Variants in KIAA1549 observed in about 807,000 individuals in gnomAD.
KIAA1549 encodes the protein KIAA1549, also known as UPF0606 protein KIAA1549.
KIAA1549 carries 70 observed loss-of-function variants against 156.4 expected under a neutral mutation model. That is an observed-to-expected ratio of 0.45 (90% CI 0.37 to 0.55). The LOEUF (loss-of-function observed/expected upper bound fraction) is 0.55, where lower values mean the gene tolerates loss of function less well. KIAA1549 is among the 20% of genes least tolerant of loss of function. The probability of loss-of-function intolerance (pLI) is 0.00; values close to 1 mark genes in which losing one functional copy is unlikely to be tolerated. For synonymous variants in KIAA1549, 1,103 were observed against 1,066.4 expected (o/e 1.03, Z -0.67); for missense variants, 2,428 against 2,540.9 (o/e 0.96, Z 0.96).
At chr7:138,877,126 C>T (rs1811108087) in intron 12 of KIAA1549, among the ~76,000 whole-genome samples, 1 of 152,252 alleles carries the variant, frequency 6.6e-6, no homozygotes, top group South Asian at 2.1e-4. Context: ...TCTCAAGCAG[C>T]CTCCCTCCCC....
rs572676472 is a variant in KIAA1549, at chr7:138,836,025, C to T, written c.*1881G>A. On this transcript the variant is annotated 3_prime_UTR_variant, in exon 20 of 20. Coordinates refer to ENST00000422774, the MANE Select transcript of KIAA1549 (RefSeq NM_001164665.2). ...AGGCTTCATTAATGAAGGGCTAAAA[C>T]ATGGTTTTGAAATCCAGTGATTACA... The T allele has an allele frequency of 2.8e-4, 59 of 212,544 alleles. No homozygotes were observed. Among genetic ancestry groups the T allele is most frequent in the Non-Finnish European group, 5.0e-4 (52 of 105,036 alleles). The allele number at this position is 212,544 out of a possible 1,614,324, so 13.2% of individuals were successfully genotyped here.
At position 138,869,657 on chromosome 7, in the gene KIAA1549, G is replaced by A; in HGVS notation, c.4656C>T (p.Asp1552=). The change falls in exon 14 of 20, where the codon GAC becomes GAT. Residue 1552 remains aspartate (D), a synonymous_variant. Transcript: ENST00000422774. ...RGHYEFPVVD[D]LSSGDTKERH... ...GCTCCTTAGTGTCGCCCGAGGACAG[G>A]TCGTCTACCACCGGGAACTCGTAGT... 1 of 1,612,152 alleles carries A rather than the reference G, an allele frequency of 6.2e-7. No individual in the cohort carries two copies. The highest frequency in any genetic ancestry group is 8.5e-7 in the Non-Finnish European group (1 of 1,179,780).
rs931505462 is a variant in KIAA1549, at chr7:138,981,177, C to A, written c.93G>T (p.Arg31=). 4.4e-6 allele frequency: 5 copies of A among 1,145,226 alleles called. No homozygotes were observed. The African/African-American group carries it at 8.2e-5, about 19-fold the overall frequency. The allele number at this position is 1,145,226 out of a possible 1,614,324, so 70.9% of individuals were successfully genotyped here. Residue 31 remains arginine (R), a synonymous_variant, in exon 1 of 20, where the codon CGG becomes CGT. Transcript: ENST00000422774. The surrounding 1 kb of genome is among the most constrained non-coding windows in gnomAD (Gnocchi z 4.5). ...GGCGGCGGGCGCAGCGGGCGGAAGG[C>A]CGTCGGCCGCTCGGCCCCGGGGCCA... ...VALAPGPSGR[R]PSARCARRRR...
chr7:138,859,078 T>G (rs1248515502), intron 16 of KIAA1549, among the ~76,000 whole-genome samples: 1 of 151,584 alleles, frequency 6.6e-6, no homozygotes, highest in East Asian at 1.9e-4. Context: ...TTCTCATAAT[T>G]TTCTCGTAGT....
At chr7:138,940,163 G>C (rs9720086) in intron 1 of KIAA1549, among the ~76,000 whole-genome samples, 7 of 149,048 alleles carry the variant, frequency 4.7e-5, no homozygotes, top group South Asian at 4.3e-4. Flanking sequence ...ATCCCTCCCC[G>C]CTCCCCCCAC....
chr7:138,940,165 T>G (rs9718758), intron 1 of KIAA1549, among the ~76,000 whole-genome samples: 12,735 of 150,528 alleles, frequency 0.085, 697 homozygotes, highest in African/African-American at 0.15. Context: ...CCCTCCCCGC[T>G]CCCCCCACCC....
Position 138,981,181 on chromosome 7 carries a change from C to A in KIAA1549, c.89G>T (p.Arg30Leu). The A allele has an allele frequency of 1.8e-6, 2 of 1,124,672 alleles. No individual in the cohort carries two copies. The highest frequency in any genetic ancestry group is 8.6e-5 in the South Asian group (2 of 23,346). The allele number at this position is 1,124,672 out of a possible 1,614,324, so 69.7% of individuals were successfully genotyped here. A position where few individuals can be genotyped will look rare whatever the true frequency, so the allele number is the denominator to read the frequency against. ...GCGGGCGCAGCGGGCGGAAGGCCGT[C>A]GGCCGCTCGGCCCCGGGGCCAGCGC... is the stretch of plus-strand genomic sequence containing the variant. The part of the protein sequence containing the change: ...GVALAPGPSG[R>L]RPSARCARRR... The change falls in exon 1 of 20, where the codon CGA becomes CTA. Residue 30 changes from arginine (R) to leucine (L), a missense_variant. Physicochemically the swap from Arg to Leu is moderately radical, Grantham distance 102 (BLOSUM62 -2). Coordinates refer to ENST00000422774, the MANE Select transcript of KIAA1549 (RefSeq NM_001164665.2). The surrounding 1 kb of genome is among the most constrained non-coding windows in gnomAD (Gnocchi z 4.5).
intron 10 of KIAA1549, among the ~76,000 whole-genome samples, chr7:138,892,436 A>C (rs1263151206): frequency 6.6e-6 from 1 of 152,228 alleles, no homozygotes; most frequent in African/African-American, 2.4e-5. Flanking sequence ...CAGAACAAAA[A>C]CATTTCCAAA....
At position 138,918,991 on chromosome 7, in the gene KIAA1549, C is replaced by A; in HGVS notation, c.635G>T (p.Trp212Leu). ...CGCTGGTTGTCGCGTTGTGTTCTGC[C>A]AGCCCGATGTCACTTCTTCATCTTG... The part of the protein sequence containing the change: ...SLQDEEVTSG[W>L]QNTTRQPAAY... The change falls in exon 2 of 20, where the codon TGG becomes TTG. Residue 212 changes from tryptophan to leucine, a missense_variant. By Grantham distance (61) the Trp-to-Leu change is moderately conservative. This residue lies in a region of KIAA1549 where 893 missense variants were observed against 847.9 expected (regional missense o/e 1.05). Coordinates refer to ENST00000422774, the MANE Select transcript of KIAA1549 (RefSeq NM_001164665.2). This position sits in a 1 kb window ranked among gnomAD's most constrained non-coding sequence, Gnocchi z 4.2. The A allele has an allele frequency of 2.5e-6, 4 of 1,614,036 alleles. No individual in the cohort carries two copies. The highest frequency in any genetic ancestry group is 3.4e-6 in the Non-Finnish European group (4 of 1,179,908).
In KIAA1549 at chr7:138,899,119, G is replaced by C; in HGVS notation, c.3683C>G (p.Ser1228Trp). The change falls in exon 9 of 20, where the codon TCG becomes TGG. Residue 1228 changes from serine to tryptophan, a missense_variant. By Grantham distance (177) the Ser-to-Trp change is radical. Coordinates refer to ENST00000422774, the MANE Select transcript of KIAA1549 (RefSeq NM_001164665.2). ...CGGATTGTCATCTCCCTCCAGCCTC[G>C]ACACATTTACCACCTGAAAGATAGC... ...GNSVVQVVNV[S>W]RLEGDDNPVQ... is the part of the protein sequence containing the mutation. 3 of 1,613,626 alleles carry C rather than the reference G, an allele frequency of 1.9e-6. No homozygotes were observed. The highest frequency in any genetic ancestry group is 2.5e-6 in the Non-Finnish European group (3 of 1,179,678).
chr7:138,859,273 C>A (rs1315977530), intron 16 of KIAA1549, among the ~76,000 whole-genome samples: 2 of 151,986 alleles, frequency 1.3e-5, no homozygotes, highest in Non-Finnish European at 2.9e-5. Context: ...ACCCTTCCAG[C>A]CTCATTTACT....
chr7:138,855,059 C>T, intron 16 of KIAA1549, among the ~76,000 whole-genome samples: 1 of 152,074 alleles, frequency 6.6e-6, no homozygotes, highest in Admixed American at 6.5e-5. Flanking sequence ...CATTACATTG[C>T]CACTTAGAGA....
At position 138,968,474 on chromosome 7, in the gene KIAA1549, A is replaced by AT. The variant is rs962717095; in HGVS notation, c.187+12608_187+12609insA. Among the ~76,000 whole-genome samples, 483 of 152,310 alleles carry AT rather than the reference A, an allele frequency of 3.2e-3. 4 individuals carry two copies. Among genetic ancestry groups the AT allele is most frequent in the African/African-American group, 0.011 (457 of 41,556 alleles). On this transcript the variant is annotated intron_variant, in intron 1 of 19. Transcript: ENST00000422774. ...GCAGCGATATATATTTTTAAACGGA[A>AT]ACAAACTAGAGGTCAGATAGTCAAC...
intron 1 of KIAA1549, among the ~76,000 whole-genome samples, chr7:138,921,524 A>G (rs1027766003): frequency 6.6e-6 from 1 of 152,184 alleles, no homozygotes; most frequent in African/African-American, 2.4e-5. Context: ...ATGCGGTCAT[A>G]CTGAAGTAGG....
intron 4 of KIAA1549, among the ~76,000 whole-genome samples, chr7:138,910,913 T>C (rs1035036384): frequency 6.6e-6 from 1 of 151,848 alleles, no homozygotes; most frequent in African/African-American, 2.4e-5. Flanking sequence ...ACACTTTTAG[T>C]CCTAACTACT....
intron 10 of KIAA1549, among the ~76,000 whole-genome samples, chr7:138,890,952 T>A (rs1025716054): frequency 6.6e-6 from 1 of 152,222 alleles, no homozygotes; most frequent in Non-Finnish European, 1.5e-5. Context: ...TCTAGCTTCC[T>A]GAGCTGCCCT....
Position 138,899,091 on chromosome 7 carries a change from T to C in KIAA1549, c.3711A>G (p.Val1237=). The change falls in exon 9 of 20, where the codon GTA becomes GTG. Residue 1237 remains valine, a synonymous_variant. Transcript: ENST00000422774. The part of the protein sequence containing the change: ...VSRLEGDDNP[V]QLIYFVEDQD... ...GATCCTCCACAAAGTAGATGAGCTG[T>C]ACCGGATTGTCATCTCCCTCCAGCC... is the stretch of plus-strand genomic sequence containing the variant. 2 of 1,613,838 alleles carry C rather than the reference T, an allele frequency of 1.2e-6. No homozygotes were observed. Among genetic ancestry groups the C allele is most frequent in the Non-Finnish European group, 8.5e-7 (1 of 1,179,754 alleles).
chr7:138,879,710 A>G, intron 11 of KIAA1549, 57 bp from the exon 12 acceptor site: 1 of 1,158,066 alleles, frequency 8.6e-7, no homozygotes, highest in South Asian at 1.4e-5. Context: ...AAAAGGAAAA[A>G]GTCCCATTAA....
intron 1 of KIAA1549, among the ~76,000 whole-genome samples, chr7:138,931,073 C>T (rs746230905): frequency 2.6e-5 from 4 of 152,150 alleles, no homozygotes; most frequent in Non-Finnish European, 5.9e-5. Flanking sequence ...GACAGGAGAA[C>T]GACTGGTGAG....
Sources: gnomAD v4.1 joint callset for allele counts (sites outside exome capture counted in the v4.1 genomes callset) on GRCh38, gnomAD v4.1.1 for gene constraint, gnomAD v4.1.1 regional missense constraint, Gnocchi (gnomAD v3.1) non-coding constraint, MANE v1.5 for transcripts, NCBI Gene and HGNC (gene_info 2026-07-23, HGNC 2026-07-21) for gene names.